The following ACTR3C variants were observed in gnomAD, a reference collection of about 807,000 sequenced individuals.
ACTR3C encodes the protein actin related protein 3C, also known as actin-related protein 3C.
In ACTR3C, 18 loss-of-function variants were observed where a neutral mutation model predicts 26.3. The ratio of observed to expected loss-of-function variants is 0.68; its 90% CI spans 0.47 to 1.01. The LOEUF is 1.01. ACTR3C is among the 50% of genes least tolerant of loss of function. The pLI, the probability that ACTR3C is intolerant of heterozygous loss-of-function variation, is 0.00. For synonymous variants in ACTR3C, 55 were observed against 94.5 expected (o/e 0.58, Z 2.42); for missense variants, 184 against 250.7 (o/e 0.73, Z 1.80).
the ACTR3C span, among the ~76,000 whole-genome samples, chr7:150,142,510 GT>G: frequency 6.6e-6 from 1 of 152,162 alleles, no homozygotes; most frequent in African/African-American, 2.4e-5. Context: ...TGTCTATTTT[GT>G]GGTCTATTTG....
chr7:149,895,203 A>C, the ACTR3C span, among the ~76,000 whole-genome samples: 1 of 152,042 alleles, frequency 6.6e-6, no homozygotes, highest in Non-Finnish European at 1.5e-5. Context: ...GATCTCATAG[A>C]GGTAGGCTAT....
chr7:149,922,970 C>CTTTTTTTTTTTTTT, the ACTR3C span, among the ~76,000 whole-genome samples: 251 of 69,146 alleles, frequency 3.6e-3, 36 homozygotes, highest in East Asian at 0.015. Flanking sequence ...AAATAAAAGG[C>CTTTTTTTTTTTTTT]TTTTTTTTTT....
the ACTR3C span, among the ~76,000 whole-genome samples, chr7:150,088,953 C>T: frequency 6.6e-6 from 1 of 152,316 alleles, no homozygotes; most frequent in East Asian, 1.9e-4. Flanking sequence ...TTTAAAAACT[C>T]GCTTTTTTTG....
the ACTR3C span, among the ~76,000 whole-genome samples, chr7:150,039,780 G>C: frequency 8.1e-4 from 111 of 136,510 alleles, no homozygotes; most frequent in African/African-American, 2.7e-3. Context: ...CAGAGCCAGG[G>C]GGGGAAGAGG....
At chr7:150,099,553 G>A in the ACTR3C span, among the ~76,000 whole-genome samples, 1 of 151,618 alleles carries the variant, frequency 6.6e-6, no homozygotes, top group African/African-American at 2.4e-5. Context: ...ACCCTAGGCT[G>A]TGCCTCACTG....
At chr7:150,122,423 C>T in the ACTR3C span, among the ~76,000 whole-genome samples, 2 of 152,072 alleles carry the variant, frequency 1.3e-5, no homozygotes, top group East Asian at 1.9e-4. Context: ...AAAAAGTGGG[C>T]AAAGGATATG....
the ACTR3C span, among the ~76,000 whole-genome samples, chr7:150,229,441 A>T: frequency 4.6e-5 from 7 of 151,630 alleles, 1 homozygote; most frequent in Admixed American, 1.3e-4. Flanking sequence ...TGGTATGATG[A>T]TATATTTTGT....
intron 6 of ACTR3C, chr7:150,264,598 A>G: frequency 1.0e-6 from 1 of 975,896 alleles, no homozygotes; most frequent in Non-Finnish European, 1.2e-6. Flanking sequence ...CTGTATATAA[A>G]TGTATATTAA....
chr7:149,943,082 G>A, the ACTR3C span, among the ~76,000 whole-genome samples: 1,985 of 151,832 alleles, frequency 0.013, 36 homozygotes, highest in African/African-American at 0.045. Flanking sequence ...ACAATGGCGG[G>A]AGTCAGCAAA....
the ACTR3C span, among the ~76,000 whole-genome samples, chr7:150,010,693 CAAAAAAA>C: frequency 3.4e-5 from 4 of 118,070 alleles, no homozygotes; most frequent in Non-Finnish European, 5.2e-5. Context: ...GACTCCATCT[CAAAAAAA>C]AAAAAAAAAA....
the ACTR3C span, among the ~76,000 whole-genome samples, chr7:150,216,300 C>G: frequency 6.6e-6 from 1 of 152,184 alleles, no homozygotes; most frequent in Non-Finnish European, 1.5e-5. Context: ...CAAACTGTTG[C>G]ATGGGGATTT....
the ACTR3C span, among the ~76,000 whole-genome samples, chr7:150,141,753 A>G: frequency 1.3e-5 from 2 of 151,990 alleles, no homozygotes; most frequent in African/African-American, 4.8e-5. Flanking sequence ...GCAGGTAAAG[A>G]TTATTACTAC....
At chr7:150,074,008 C>T in the ACTR3C span, 1 of 152,252 alleles carries the variant, frequency 6.6e-6, no homozygotes, top group Non-Finnish European at 1.5e-5. Flanking sequence ...AAGTCACGTC[C>T]AGGGATCACT....
At chr7:150,005,592 T>A in the ACTR3C span, among the ~76,000 whole-genome samples, 1 of 151,836 alleles carries the variant, frequency 6.6e-6, no homozygotes. Flanking sequence ...CCGCCCTATC[T>A]CCTAAGGCCA....
At chr7:150,229,475 G>A in the ACTR3C span, among the ~76,000 whole-genome samples, 7 of 151,124 alleles carry the variant, frequency 4.6e-5, no homozygotes, top group African/African-American at 1.2e-4. Context: ...TTGATGTAGC[G>A]TATTAGAGTG....
At chr7:150,322,539 T>C (rs2108852) in intron 1 of ACTR3C, 38,569 of 151,920 alleles carry the variant, frequency 0.25, 5,062 homozygotes, top group East Asian at 0.42. Flanking sequence ...CATGAAATAC[T>C]CTATATGGTC....
the ACTR3C span, among the ~76,000 whole-genome samples, chr7:150,026,060 C>T: frequency 1.3e-5 from 2 of 152,000 alleles, no homozygotes; most frequent in East Asian, 3.8e-4. Flanking sequence ...AAGGTTATTC[C>T]GGGGATAAAG....
the ACTR3C span, among the ~76,000 whole-genome samples, chr7:150,151,714 C>T: frequency 1.9e-5 from 2 of 103,258 alleles, no homozygotes; most frequent in Non-Finnish European, 2.0e-5. Flanking sequence ...GGAAGGGGAA[C>T]GCCACACTCT....
chr7:150,049,507 G>C, the ACTR3C span, among the ~76,000 whole-genome samples: 1 of 152,222 alleles, frequency 6.6e-6, no homozygotes, highest in Non-Finnish European at 1.5e-5. Flanking sequence ...GCTCCTTCCG[G>C]GTTTCCATGC....
Sources: gnomAD v4.1 joint callset for allele counts (sites outside exome capture counted in the v4.1 genomes callset) on GRCh38, gnomAD v4.1.1 for gene constraint, MANE v1.5 for transcripts, NCBI Gene and HGNC (gene_info 2026-07-23, HGNC 2026-07-21) for gene names.